The following DOCK5 variants were observed in gnomAD, a reference collection of about 807,000 sequenced individuals.
The protein encoded by DOCK5 is dedicator of cytokinesis protein 5.
Under a neutral mutation model 251.8 loss-of-function variants are expected in DOCK5, and 142 were observed. That is an observed-to-expected ratio of 0.56 (90% confidence interval 0.49 to 0.65). The LOEUF (loss-of-function observed/expected upper bound fraction) is 0.65, where lower values mean the gene tolerates loss of function less well. Ranked by LOEUF, DOCK5 falls within the 30% of genes least tolerant of loss-of-function variation. DOCK5 has a pLI of 0.00. For synonymous variants in DOCK5, 842 were observed against 835.5 expected (o/e 1.01, Z -0.13); for missense variants, 2,111 against 2,312.3 (o/e 0.91, Z 1.79).
intron 1 of DOCK5, among the ~76,000 whole-genome samples, chr8:25,189,042 C>CTTTTTT (rs1432735816): frequency 2.0e-5 from 2 of 97,642 alleles, no homozygotes; most frequent in African/African-American, 3.4e-5. Context: ...TTCTTTCTTT[C>CTTTTTT]TTTCTTTTTT....
chr8:25,325,214 A>G (rs916184894), intron 17 of DOCK5, 150 bp from the exon 18 acceptor site: 10 of 742,698 alleles, frequency 1.3e-5, no homozygotes, highest in African/African-American at 1.1e-4. Flanking sequence ...TTACAGAAAG[A>G]TATCAGAGTA....
chr8:25,321,565 T>G (rs1307832905), intron 16 of DOCK5, among the ~76,000 whole-genome samples: 2 of 152,160 alleles, frequency 1.3e-5, no homozygotes. Context: ...CTAGATCCCT[T>G]GCATGCACAG....
chr8:25,319,086 T>A (rs889356899), intron 14 of DOCK5, among the ~76,000 whole-genome samples: 1 of 152,204 alleles, frequency 6.6e-6, no homozygotes, highest in African/African-American at 2.4e-5. Context: ...GGCCTGGTTC[T>A]ACTAAGCTCA....
At chr8:25,370,702 T>C (rs1800858111) in intron 34 of DOCK5, among the ~76,000 whole-genome samples, 1 of 152,108 alleles carries the variant, frequency 6.6e-6, no homozygotes, top group African/African-American at 2.4e-5. Flanking sequence ...AAATGGGGTC[T>C]TGCCGTGTTG....
At chr8:25,396,495 A>G (rs1010766319) in intron 45 of DOCK5, among the ~76,000 whole-genome samples, 1 of 152,206 alleles carries the variant, frequency 6.6e-6, no homozygotes, top group Non-Finnish European at 1.5e-5. Flanking sequence ...TACTTGGCAC[A>G]ATTTAATCCA....
In DOCK5 at chr8:25,345,577, G is replaced by C. The variant is rs139507185; in HGVS notation, c.2720G>C (p.Ser907Thr). The change falls in exon 26 of 52, where the codon AGC (serine) becomes ACC (threonine). Residue 907 changes from serine to threonine, a missense_variant. Physicochemically the swap from Ser to Thr is moderately conservative, Grantham distance 58. Around this residue, in one of 3 missense-constraint regions of DOCK5, gnomAD observed 1,717 missense variants for 1,892.4 expected, o/e 0.91. Coordinates refer to ENST00000276440, the MANE Select transcript of DOCK5 (RefSeq NM_024940.8). ...CACGAGGCAAGCTCGCAGCTTCTGAGCAACATCCTGGAGGTGCTGGACAGG... is the reference window on the plus strand; with the variant it reads ...CACGAGGCAAGCTCGCAGCTTCTGACCAACATCCTGGAGGTGCTGGACAGG... ...PDHEASSQLL[S>T]NILEVLDRKD... The C allele has an allele frequency of 3.7e-5, 60 of 1,613,906 alleles. No homozygotes were observed. The East Asian group carries it at 6.0e-4, about 16-fold the overall frequency.
intron 33 of DOCK5, 127 bp downstream of exon 33, chr8:25,368,852 A>T: frequency 9.0e-7 from 1 of 1,107,858 alleles, no homozygotes; most frequent in Admixed American, 3.2e-5. Context: ...AGTTCACTTT[A>T]CATTTCATTT....
At position 25,376,368 on chromosome 8, in the gene DOCK5, C is replaced by T. The variant is rs556762236; in HGVS notation, c.3817-937C>T. On this transcript the variant is annotated intron_variant, in intron 37 of 51. Coordinates refer to ENST00000276440, the MANE Select transcript of DOCK5 (RefSeq NM_024940.8). ...CACATTTTGCTTATTGGTATAAGAT[C>T]CCATCTTTATTACTAAATTCTTATT... 17 of 985,004 alleles carry T rather than the reference C, an allele frequency of 1.7e-5. No individual in the cohort carries two copies. The South Asian group carries it at 6.1e-4, about 35-fold the overall frequency. The allele number at this position is 985,004 out of a possible 1,614,324, so 61.0% of individuals were successfully genotyped here.
intron 2 of DOCK5, among the ~76,000 whole-genome samples, chr8:25,250,173 C>G (rs941767515): frequency 2.0e-5 from 3 of 152,122 alleles, no homozygotes; most frequent in Non-Finnish European, 4.4e-5. Context: ...CCAAAACAGG[C>G]GACCAGAGTC....
chr8:25,197,473 G>C (rs182148015), intron 1 of DOCK5, among the ~76,000 whole-genome samples: 2 of 151,344 alleles, frequency 1.3e-5, no homozygotes, highest in Non-Finnish European at 2.9e-5. Flanking sequence ...CAAATGTGCC[G>C]TTTGCTCTCA....
At chr8:25,187,077 T>A (rs1022684351) in intron 1 of DOCK5, among the ~76,000 whole-genome samples, 1 of 151,478 alleles carries the variant, frequency 6.6e-6, no homozygotes, top group Non-Finnish European at 1.5e-5. Context: ...CGCCTGTGCC[T>A]GTGGTTCTAG....
At chr8:25,374,454 C>G in intron 36 of DOCK5, 110 bp from the exon 37 acceptor site, 1 of 1,014,050 alleles carries the variant, frequency 9.9e-7, no homozygotes, top group South Asian at 1.5e-5. Context: ...ATGATCGGAC[C>G]ACTGCATACT....
intron 40 of DOCK5, among the ~76,000 whole-genome samples, chr8:25,383,176 A>T (rs997803493): frequency 1.3e-5 from 2 of 152,228 alleles, no homozygotes; most frequent in East Asian, 1.9e-4. Context: ...ACATTTTATT[A>T]TAATAATAAT....
intron 1 of DOCK5, among the ~76,000 whole-genome samples, chr8:25,215,383 G>C (rs191788847): frequency 2.6e-5 from 4 of 152,068 alleles, no homozygotes; most frequent in Non-Finnish European, 1.5e-5. Flanking sequence ...ATCTGTAGAG[G>C]CTGGGGAGAG....
intron 4 of DOCK5, chr8:25,277,407 C>A: frequency 1.3e-5 from 2 of 152,344 alleles, no homozygotes; most frequent in South Asian, 3.9e-4. Flanking sequence ...GTTGCTGGGT[C>A]AAGTTCAAAA....
In DOCK5 at chr8:25,408,163, C is replaced by T. The variant is rs746480268; in HGVS notation, c.5265+9C>T. ...CAGAACCCGATTTGATGGTAAAAAA[C>T]AGAAAAGAAAAAAAGAAATCTCTGG... On this transcript the variant is annotated intron_variant, in intron 49 of 51. Coordinates refer to ENST00000276440, the MANE Select transcript of DOCK5 (RefSeq NM_024940.8). 1.3e-6 allele frequency: 2 copies of T among 1,562,656 alleles called. No individual in the cohort carries two copies. The highest frequency in any genetic ancestry group is 1.4e-5 in the African/African-American group (1 of 72,850).
intron 1 of DOCK5, among the ~76,000 whole-genome samples, chr8:25,200,465 T>C (rs1801853840): frequency 6.6e-6 from 1 of 152,200 alleles, no homozygotes; most frequent in Admixed American, 6.5e-5. Flanking sequence ...GATAAAGTGT[T>C]GACAAAGGTG....
rs907583073 is a variant in DOCK5, at chr8:25,408,192, C to CT, written c.5265+40dup. ...AAAGAAAAAAAGAAATCTCTGGAGG[C>CT]TTGCCCCCCTCTCCCCTGTACCCAG... On this transcript the variant is annotated intron_variant, in intron 49 of 51. Transcript: ENST00000276440. The CT allele has an allele frequency of 5.9e-6, 9 of 1,537,360 alleles. No homozygotes were observed. The African/African-American group carries it at 1.2e-4, about 21-fold the overall frequency.
In DOCK5 at chr8:25,372,723, G is replaced by A. The variant is rs1800895443; in HGVS notation, c.3684+5G>A. ...AGCTGCACTGTGAACGTGCTGGTAT[G>A]TGACATGCCTCCGGTGTGATGGGAG... On this transcript the variant is annotated splice_donor_5th_base_variant and intron_variant, in intron 35 of 51. Transcript: ENST00000276440. 1 of 1,609,158 alleles carries A rather than the reference G, an allele frequency of 6.2e-7. No individual in the cohort carries two copies. The highest frequency in any genetic ancestry group is 8.5e-7 in the Non-Finnish European group (1 of 1,177,756).
Sources: gnomAD v4.1 joint callset for allele counts (sites outside exome capture counted in the v4.1 genomes callset) on GRCh38, gnomAD v4.1.1 for gene constraint, gnomAD v4.1.1 regional missense constraint, MANE v1.5 for transcripts, NCBI Gene and HGNC (gene_info 2026-07-23, HGNC 2026-07-21) for gene names.